Variants in MYT1 observed in about 807,000 individuals in gnomAD.
MYT1 encodes myelin transcription factor 1, also known as myelin transcription factor I.
A neutral mutation model predicts 123.0 loss-of-function variants in MYT1; 23 were observed. The observed-to-expected ratio is 0.19, with a 90% confidence interval of 0.13 to 0.26. The LOEUF is 0.26. MYT1 is among the 10% of genes least tolerant of loss of function. MYT1 has a pLI of 1.00. For synonymous variants in MYT1, 518 were observed against 575.3 expected (o/e 0.90, Z 1.43); for missense variants, 1,125 against 1,472.5 (o/e 0.76, Z 3.86).
chr20:64,218,684 C>T lies in MYT1; in HGVS notation c.1847-227C>T, dbSNP rs2983462. 47,575 of 602,656 alleles carry T rather than the reference C, an allele frequency of 0.079. 3,077 individuals carry two copies. Among genetic ancestry groups the T allele is most frequent in the African/African-American group, 0.26 (14,029 of 54,130 alleles). 37.3% of individuals were successfully genotyped at this position (602,656 alleles called of 1,614,324 possible). A position where few individuals can be genotyped will look rare whatever the true frequency, so the allele number is the denominator to read the frequency against. On this transcript the variant is annotated intron_variant, in intron 11 of 22. Coordinates refer to ENST00000328439, the MANE Select transcript of MYT1 (RefSeq NM_004535.3). This position sits in a 1 kb window ranked among gnomAD's most constrained non-coding sequence, Gnocchi z 4.0. ...GGTGTGTGAGGACTTGGGACTGGGACGGGTGGCCAAGCCCCTGGCCCACTT... is the reference window on the plus strand; with the variant it reads ...GGTGTGTGAGGACTTGGGACTGGGATGGGTGGCCAAGCCCCTGGCCCACTT...
At chr20:64,183,643 C>T (rs912454226) in intron 1 of MYT1, among the ~76,000 whole-genome samples, 19 of 152,136 alleles carry the variant, frequency 1.2e-4, no homozygotes, top group South Asian at 8.3e-4. Flanking sequence ...TGGCCATTCC[C>T]GTGTTATCTT....
rs76608221 is a variant in MYT1 at position 64,185,659 on chromosome 20, G to A, written c.-98-4404G>A. On this transcript the variant is annotated intron_variant, in intron 1 of 22. Transcript: ENST00000328439. The surrounding 1 kb of genome is among the most constrained non-coding windows in gnomAD (Gnocchi z 4.5). ...CCCAGGGGATGCACCATGGGGGCAG[G>A]TGGGCTCAGGCCAGATTCCAGGCTA... 0.013 allele frequency among the ~76,000 whole-genome samples: 1,930 copies of A among 152,294 alleles called. 37 individuals carry two copies. The highest frequency in any genetic ancestry group is 0.044 in the African/African-American group (1,834 of 41,556).
chr20:64,179,889 C>G (rs377367948), intron 1 of MYT1, among the ~76,000 whole-genome samples: 1 of 150,996 alleles, frequency 6.6e-6, no homozygotes, highest in Admixed American at 6.6e-5. Context: ...GTTACACACA[C>G]GCTACACAGT....
chr20:64,215,435 T>C (rs527989583), intron 10 of MYT1, among the ~76,000 whole-genome samples: 1 of 152,306 alleles, frequency 6.6e-6, no homozygotes, highest in South Asian at 2.1e-4. Flanking sequence ...TTTGATTCTA[T>C]CCAGCCCACA....
At chr20:64,228,680 C>T (rs868350169) in intron 18 of MYT1, among the ~76,000 whole-genome samples, 3 of 152,100 alleles carry the variant, frequency 2.0e-5, no homozygotes, top group South Asian at 2.1e-4. Context: ...CAATAGGGAA[C>T]GGGTCCCCTG....
At chr20:64,197,281 A>C (rs1983152109) in intron 2 of MYT1, among the ~76,000 whole-genome samples, 1 of 152,224 alleles carries the variant, frequency 6.6e-6, no homozygotes, top group Non-Finnish European at 1.5e-5. Context: ...GGGGAGGTTC[A>C]ATTTGCAAAT....
rs1982930791 is a variant in MYT1 at position 64,190,426 on chromosome 20, C to CA, written c.-1+267dup. ...CGGTGGCTCACACCTGTAATCCCAG[C>CA]ACTTTGGGAGGCTGAGGCAGGTGGA... On this transcript the variant is annotated intron_variant, in intron 2 of 22. Coordinates refer to ENST00000328439, the MANE Select transcript of MYT1 (RefSeq NM_004535.3). The surrounding 1 kb of genome is among the most constrained non-coding windows in gnomAD (Gnocchi z 4.1). Among the ~76,000 whole-genome samples, 1 of 152,268 alleles carries CA rather than the reference C, an allele frequency of 6.6e-6. No homozygotes were observed. Among genetic ancestry groups the CA allele is most frequent in the African/African-American group, 2.4e-5 (1 of 41,476 alleles).
In MYT1 at chr20:64,239,792, CGAG is replaced by C; in HGVS notation, c.3133_3135del (p.Glu1045del). On this transcript the variant is annotated inframe_deletion, in exon 22 of 23. Transcript: ENST00000328439. Reference sequence around the variant, plus strand: ...CCATGGAGAAGAACCTGAAGAACATCGAGGAGGAGAACAAGCTCATTGAGGAGC... The same window carrying C: ...CCATGGAGAAGAACCTGAAGAACATCGAGGAGAACAAGCTCATTGAGGAGC... 1 of 1,613,988 alleles carries C rather than the reference CGAG, an allele frequency of 6.2e-7. No individual in the cohort carries two copies. Among genetic ancestry groups the C allele is most frequent in the Non-Finnish European group, 8.5e-7 (1 of 1,180,016 alleles).
In MYT1 at chr20:64,231,763, G is replaced by C. The variant is rs749125908; in HGVS notation, c.2676-401G>C. On this transcript the variant is annotated intron_variant, in intron 18 of 22. Coordinates refer to ENST00000328439, the MANE Select transcript of MYT1 (RefSeq NM_004535.3). The surrounding 1 kb of genome is among the most constrained non-coding windows in gnomAD (Gnocchi z 6.4). ...GCCTATGCTTGATGCAAGCTCCCAG[G>C]GAGTGGCCTCTAGGTGGTCTCAGCT... 1.1e-4 allele frequency among the ~76,000 whole-genome samples: 16 copies of C among 152,128 alleles called. No homozygotes were observed. Among genetic ancestry groups the C allele is most frequent in the Non-Finnish European group, 1.9e-4 (13 of 68,026 alleles).
intron 1 of MYT1, among the ~76,000 whole-genome samples, chr20:64,176,878 A>T (rs1982473957): frequency 6.6e-6 from 1 of 152,140 alleles, no homozygotes; most frequent in Non-Finnish European, 1.5e-5. Context: ...CCGCCTGGAG[A>T]GCCCGTCCTG....
At chr20:64,211,961 C>A in intron 8 of MYT1, 87 bp from the exon 9 acceptor site, 3 of 1,132,448 alleles carry the variant, frequency 2.6e-6, no homozygotes, top group African/African-American at 1.5e-5. Flanking sequence ...GGCTCCTGCA[C>A]CCTCCTCAGC....
At position 64,168,001 on chromosome 20, in the gene MYT1, C is replaced by T. The variant is rs549035981; in HGVS notation, c.-99+3262C>T. 2.0e-5 allele frequency among the ~76,000 whole-genome samples: 3 copies of T among 152,322 alleles called. No individual in the cohort carries two copies. The highest frequency in any genetic ancestry group is 4.8e-5 in the African/African-American group (2 of 41,564). On this transcript the variant is annotated intron_variant, in intron 1 of 22. Transcript: ENST00000328439. This position sits in a 1 kb window ranked among gnomAD's most constrained non-coding sequence, Gnocchi z 6.1. ...CTTTGGGGACTGCGGGACCCATCCC[C>T]GCTCCAGGACAGCCCCACTGGGGAG...
Position 64,207,530 on chromosome 20 carries a change from G to C in MYT1, c.398-64G>C. The C allele has an allele frequency of 1.9e-6, 3 of 1,563,372 alleles. No individual in the cohort carries two copies. In the South Asian group the frequency reaches 3.7e-5, roughly 19 times the overall value. On this transcript the variant is annotated intron_variant, in intron 6 of 22. Transcript: ENST00000328439. The stretch of plus-strand genomic sequence containing the variant: ...GTGGAGGGGTGGTGGGTGTGTTGGG[G>C]ACTGGAGACCTGGAGTCTTCCCACG...
intron 4 of MYT1, among the ~76,000 whole-genome samples, chr20:64,200,964 T>C (rs926517980): frequency 2.0e-5 from 3 of 152,144 alleles, no homozygotes; most frequent in Non-Finnish European, 4.4e-5. Context: ...ATTGCCTGCT[T>C]GGCCAGCCTG....
chr20:64,232,435 CGCCTGGG>C lies in MYT1; in HGVS notation c.2897+60_2897+66del. On this transcript the variant is annotated intron_variant, in intron 19 of 22. Transcript: ENST00000328439. This position sits in a 1 kb window ranked among gnomAD's most constrained non-coding sequence, Gnocchi z 6.9. Reference sequence around the variant, plus strand: ...CCTCTGTGCAGTCAGTAGGGACCCTCGCCTGGGGCCTGGGGCTGAAGCTCCTGAGGGA... The same window carrying C: ...CCTCTGTGCAGTCAGTAGGGACCCTCGCCTGGGGCTGAAGCTCCTGAGGGA... 1 of 1,569,770 alleles carries C rather than the reference CGCCTGGG, an allele frequency of 6.4e-7. No homozygotes were observed. The highest frequency in any genetic ancestry group is 8.7e-7 in the Non-Finnish European group (1 of 1,143,020).
intron 1 of MYT1, among the ~76,000 whole-genome samples, chr20:64,177,748 G>T (rs775705583): frequency 6.6e-6 from 1 of 151,664 alleles, no homozygotes; most frequent in Middle Eastern, 3.2e-3. Flanking sequence ...AAATGTGGGG[G>T]GTCCTGTGTG....
At chr20:64,173,160 C>T (rs1023392056) in intron 1 of MYT1, among the ~76,000 whole-genome samples, 5 of 152,194 alleles carry the variant, frequency 3.3e-5, no homozygotes, top group African/African-American at 1.2e-4. Flanking sequence ...TTCAGGCAGG[C>T]GAGTCCAGTT....
At chr20:64,216,276 C>G (rs978927021) in intron 10 of MYT1, among the ~76,000 whole-genome samples, 3 of 152,244 alleles carry the variant, frequency 2.0e-5, no homozygotes, top group African/African-American at 4.8e-5. Context: ...CTCTGAGCTG[C>G]CAGGTTCAGA....
chr20:64,237,254 C>T (rs758818009), intron 20 of MYT1, 33 bp from the exon 21 acceptor site: 7 of 1,591,148 alleles, frequency 4.4e-6, no homozygotes, highest in Non-Finnish European at 5.1e-6. Flanking sequence ...GCCTGAGGCC[C>T]AAAGCCACAA....
Sources: allele counts gnomAD v4.1 joint callset (sites outside exome capture counted in the v4.1 genomes callset), GRCh38; gene constraint gnomAD v4.1.1; non-coding constraint Gnocchi (gnomAD v3.1); transcripts MANE v1.5; gene names NCBI Gene and HGNC (gene_info 2026-07-23, HGNC 2026-07-21).